Variants in SH3GL2 observed in about 807,000 individuals in gnomAD.
SH3GL2 encodes the protein endophilin-A1.
Under a neutral mutation model 46.0 loss-of-function variants are expected in SH3GL2, and 24 were observed. The ratio of observed to expected loss-of-function variants is 0.52; its 90% CI spans 0.38 to 0.73. The LOEUF (loss-of-function observed/expected upper bound fraction) is 0.73. SH3GL2 is among the 30% of genes least tolerant of loss of function. The pLI, the probability that SH3GL2 is intolerant of heterozygous loss-of-function variation, is 0.00. For missense variants in SH3GL2, 413 were observed against 424.2 expected (o/e 0.97, Z 0.23); for synonymous variants, 196 against 147.1 (o/e 1.33, Z -2.40).
chr9:17,623,898 A>G (rs758081718), intron 1 of SH3GL2, among the ~76,000 whole-genome samples: 1 of 152,202 alleles, frequency 6.6e-6, no homozygotes, highest in Non-Finnish European at 1.5e-5. Flanking sequence ...CATTGATACA[A>G]TTTAAAAAAT....
intron 1 of SH3GL2, among the ~76,000 whole-genome samples, chr9:17,596,819 G>A (rs1465812907): frequency 2.6e-5 from 4 of 152,154 alleles, no homozygotes; most frequent in Non-Finnish European, 4.4e-5. Flanking sequence ...CCTCAGTAAT[G>A]AGATGGGCAG....
chr9:17,701,379 G>C (rs915438073), intron 1 of SH3GL2, among the ~76,000 whole-genome samples: 5 of 152,178 alleles, frequency 3.3e-5, no homozygotes, highest in Non-Finnish European at 5.9e-5. Flanking sequence ...TGCTTCAGGA[G>C]GAGTAGTGAG....
chr9:17,610,772 C>T (rs1818847457), intron 1 of SH3GL2, among the ~76,000 whole-genome samples: 1 of 152,022 alleles, frequency 6.6e-6, no homozygotes, highest in African/African-American at 2.4e-5. Flanking sequence ...TATAAACTAG[C>T]TTGCTGACCC....
rs1426108369 is a variant in SH3GL2, at chr9:17,793,305, G to C, written c.729-62G>C. On this transcript the variant is annotated intron_variant, in intron 7 of 8. Coordinates refer to ENST00000380607, the MANE Select transcript of SH3GL2 (RefSeq NM_003026.5). The stretch of plus-strand genomic sequence containing the variant: ...AAGCATTTCCTGAATCTTTATATTT[G>C]CTTTTCATTTTACTTCTTAACTGGT... 2.1e-6 allele frequency: 3 copies of C among 1,445,686 alleles called. No individual in the cohort carries two copies. The African/African-American group carries it at 4.3e-5, about 21-fold the overall frequency. The allele number at this position is 1,445,686 out of a possible 1,614,324, so 89.6% of individuals were successfully genotyped here.
intron 1 of SH3GL2, among the ~76,000 whole-genome samples, chr9:17,724,044 T>G (rs947927811): frequency 2.0e-5 from 3 of 152,144 alleles, no homozygotes; most frequent in African/African-American, 7.2e-5. Context: ...TTGGAAAATT[T>G]TTAGCTATGA....
chr9:17,777,555 C>A (rs1823676324), intron 3 of SH3GL2, among the ~76,000 whole-genome samples: 1 of 152,072 alleles, frequency 6.6e-6, no homozygotes, highest in African/African-American at 2.4e-5. Flanking sequence ...TATTTTCTTG[C>A]AGTTCTGGAG....
intron 3 of SH3GL2, among the ~76,000 whole-genome samples, chr9:17,782,492 G>T (rs1179413499): frequency 6.6e-6 from 1 of 152,130 alleles, no homozygotes; most frequent in Non-Finnish European, 1.5e-5. Flanking sequence ...GTACTCTTCT[G>T]TACTTTACGA....
intron 3 of SH3GL2, among the ~76,000 whole-genome samples, chr9:17,772,327 A>C (rs999058272): frequency 1.3e-5 from 2 of 152,156 alleles, no homozygotes; most frequent in African/African-American, 4.8e-5. Flanking sequence ...AATTTTTCTT[A>C]TTTTTCATAG....
intron 1 of SH3GL2, among the ~76,000 whole-genome samples, chr9:17,636,206 A>G (rs1819539878): frequency 6.6e-6 from 1 of 152,198 alleles, no homozygotes; most frequent in Non-Finnish European, 1.5e-5. Context: ...ATAACCGTGG[A>G]TTGAAAAGCA....
chr9:17,720,199 C>G (rs890833184), intron 1 of SH3GL2, among the ~76,000 whole-genome samples: 4 of 152,072 alleles, frequency 2.6e-5, no homozygotes, highest in African/African-American at 9.7e-5. Context: ...GAAGTTGTCC[C>G]AAAAGAGAAT....
At chr9:17,680,327 G>A (rs1820734977) in intron 1 of SH3GL2, among the ~76,000 whole-genome samples, 1 of 152,152 alleles carries the variant, frequency 6.6e-6, no homozygotes, top group Non-Finnish European at 1.5e-5. Flanking sequence ...AGTCTGTTCA[G>A]GGATTCAACT....
At chr9:17,776,939 C>G (rs767701533) in intron 3 of SH3GL2, among the ~76,000 whole-genome samples, 2 of 152,118 alleles carry the variant, frequency 1.3e-5, no homozygotes, top group Admixed American at 1.3e-4. Flanking sequence ...CAGTGCTGGC[C>G]TAACTCCAGC....
At chr9:17,606,540 G>A (rs1007464332) in intron 1 of SH3GL2, among the ~76,000 whole-genome samples, 20 of 152,244 alleles carry the variant, frequency 1.3e-4, no homozygotes, top group African/African-American at 4.6e-4. Context: ...ATCTTGCTTC[G>A]ATGGTCCATG....
intron 1 of SH3GL2, among the ~76,000 whole-genome samples, chr9:17,613,452 C>G (rs1236930879): frequency 6.6e-6 from 1 of 152,080 alleles, no homozygotes; most frequent in Non-Finnish European, 1.5e-5. Context: ...ATATTTTTGG[C>G]AAGAAATCAC....
intron 1 of SH3GL2, among the ~76,000 whole-genome samples, chr9:17,599,426 C>G (rs1428302882): frequency 1.3e-5 from 2 of 152,204 alleles, no homozygotes; most frequent in Non-Finnish European, 2.9e-5. Context: ...CCAAATGGCA[C>G]TGTATTTCCA....
rs3837228 is a variant in SH3GL2 at position 17,709,680 on chromosome 9, TACACACACACACACACACAC to T, written c.46-37371_46-37352del. 2.0e-5 allele frequency among the ~76,000 whole-genome samples: 3 copies of T among 148,164 alleles called. No individual in the cohort carries two copies. The East Asian group carries it at 6.0e-4, about 29-fold the overall frequency. ...TATATATAGTTTAACTTATTTGTAT[TACACACACACACACACACAC>T]ACACACACACACACGTTTAACCTGT... On this transcript the variant is annotated intron_variant, in intron 1 of 8. Transcript: ENST00000380607.
chr9:17,794,005 A>G (rs1352885315), intron 8 of SH3GL2, among the ~76,000 whole-genome samples: 3 of 152,338 alleles, frequency 2.0e-5, no homozygotes, highest in Middle Eastern at 6.8e-3. Flanking sequence ...ATATATTTGT[A>G]GAAGATGATA....
chr9:17,728,924 G>A (rs937145993), intron 1 of SH3GL2, among the ~76,000 whole-genome samples: 2 of 151,992 alleles, frequency 1.3e-5, no homozygotes, highest in Non-Finnish European at 2.9e-5. Context: ...TGAATACTGT[G>A]GCAATAAATA....
intron 1 of SH3GL2, among the ~76,000 whole-genome samples, chr9:17,713,057 C>T (rs1029369725): frequency 6.6e-6 from 1 of 150,856 alleles, no homozygotes; most frequent in Non-Finnish European, 1.5e-5. Context: ...ATTCCTTTCC[C>T]TTCTTAGTGT....
Sources: gnomAD v4.1 joint callset for allele counts (sites outside exome capture counted in the v4.1 genomes callset) on GRCh38, gnomAD v4.1.1 for gene constraint, MANE v1.5 for transcripts, NCBI Gene and HGNC (gene_info 2026-07-23, HGNC 2026-07-21) for gene names.